Variants in LRRC4C observed in about 807,000 individuals in gnomAD.
LRRC4C encodes leucine rich repeat containing 4C.
Under a neutral mutation model 33.6 loss-of-function variants are expected in LRRC4C, and 5 were observed. The observed-to-expected ratio is 0.15, with a 90% CI of 0.08 to 0.31. The LOEUF (loss-of-function observed/expected upper bound fraction) is 0.31. LRRC4C is among the 10% of genes least tolerant of loss of function. LRRC4C has a pLI of 1.00. For missense variants in LRRC4C, 560 were observed against 796.7 expected, an observed-to-expected ratio of 0.70 and a Z score of 3.58; for synonymous variants, 329 against 302.0, an observed-to-expected ratio of 1.09 and a Z score of -0.93.
intron 3 of LRRC4C, among the ~76,000 whole-genome samples, chr11:40,640,708 C>T (rs1942054266): frequency 6.6e-6 from 1 of 151,996 alleles, no homozygotes. Flanking sequence ...TTCAAAAATA[C>T]ATTGTAAGAA....
intron 3 of LRRC4C, among the ~76,000 whole-genome samples, chr11:40,505,456 G>A (rs1954986812): frequency 6.6e-6 from 1 of 152,140 alleles, no homozygotes; most frequent in African/African-American, 2.4e-5. Context: ...AGGATTGAAG[G>A]AAACCTCTTG....
chr11:41,207,738 G>A (rs1946658466), intron 1 of LRRC4C, among the ~76,000 whole-genome samples: 1 of 152,182 alleles, frequency 6.6e-6, no homozygotes, highest in Non-Finnish European at 1.5e-5. Context: ...CTCCTACCGT[G>A]ATCTTGGACT....
intron 1 of LRRC4C, among the ~76,000 whole-genome samples, chr11:41,341,011 G>A (rs1951617286): frequency 1.3e-5 from 2 of 152,128 alleles, no homozygotes; most frequent in Admixed American, 1.3e-4. Flanking sequence ...CTTGGGAGGA[G>A]TGCTTGCACG....
intron 1 of LRRC4C, among the ~76,000 whole-genome samples, chr11:41,266,765 C>T (rs1949164515): frequency 1.3e-5 from 2 of 152,234 alleles, no homozygotes; most frequent in East Asian, 1.9e-4. Context: ...CAAAATTAGT[C>T]TCCCTACCAG....
At chr11:40,837,415 G>A in intron 2 of LRRC4C, among the ~76,000 whole-genome samples, 1 of 151,878 alleles carries the variant, frequency 6.6e-6, no homozygotes, top group East Asian at 1.9e-4. Context: ...TTCTTCCATA[G>A]GTACAATAAT....
chr11:40,359,676 C>T (rs541246378), intron 3 of LRRC4C, among the ~76,000 whole-genome samples: 7 of 152,258 alleles, frequency 4.6e-5, no homozygotes, highest in African/African-American at 1.7e-4. Flanking sequence ...CTCCTGGATT[C>T]CCAGTTGCTA....
intron 1 of LRRC4C, among the ~76,000 whole-genome samples, chr11:41,263,731 A>G (rs1316138687): frequency 6.6e-6 from 1 of 152,160 alleles, no homozygotes; most frequent in Non-Finnish European, 1.5e-5. Context: ...TTATTTGTTC[A>G]CAGAGCACTT....
In LRRC4C at chr11:40,851,010, C is replaced by T. The variant is rs546407549; in HGVS notation, c.-407+82625G>A. On this transcript the variant is annotated intron_variant, in intron 2 of 6. Transcript: ENST00000528697. ...AAGCTGGAGCCCTGGGTGGACTTCA[C>T]ACTGCTGTGCTGGCAGTGAGAATTT... is the stretch of plus-strand genomic sequence containing the variant. Among the ~76,000 whole-genome samples the T allele has an allele frequency of 2.0e-5, 3 of 152,276 alleles. No individual in the cohort carries two copies. The South Asian group carries it at 6.2e-4, about 32-fold the overall frequency.
At chr11:40,485,359 C>T (rs187899412) in intron 3 of LRRC4C, among the ~76,000 whole-genome samples, 77 of 151,782 alleles carry the variant, frequency 5.1e-4, no homozygotes, top group Admixed American at 2.6e-3. Flanking sequence ...CTCTCACATG[C>T]GCGCTCTCTC....
chr11:41,323,074 G>A (rs1951005023), intron 1 of LRRC4C, among the ~76,000 whole-genome samples: 1 of 152,118 alleles, frequency 6.6e-6, no homozygotes, highest in East Asian at 1.9e-4. Context: ...TCTGACATCA[G>A]AATATGTCAG....
At chr11:41,365,280 G>A (rs1229976370) in intron 1 of LRRC4C, among the ~76,000 whole-genome samples, 1 of 151,908 alleles carries the variant, frequency 6.6e-6, no homozygotes, top group Non-Finnish European at 1.5e-5. Flanking sequence ...AATGCCTAAT[G>A]ATGTGTCACT....
intron 5 of LRRC4C, among the ~76,000 whole-genome samples, chr11:40,166,785 A>G (rs2135399658): frequency 6.6e-6 from 1 of 152,284 alleles, no homozygotes. Context: ...AATAAAATGA[A>G]AAAGACTAGA....
chr11:40,987,661 TATGAGATATAAATG>T (rs1565274570), intron 1 of LRRC4C, among the ~76,000 whole-genome samples: 2,788 of 37,004 alleles, frequency 0.075, 191 homozygotes, highest in Middle Eastern at 0.15. Context: ...ATCTCATATA[TATGAGATATAAATG>T]ATATATATAT....
intron 2 of LRRC4C, among the ~76,000 whole-genome samples, chr11:40,731,444 G>T (rs1055967947): frequency 1.3e-5 from 2 of 152,098 alleles, no homozygotes; most frequent in Non-Finnish European, 2.9e-5. Flanking sequence ...GTTCTCTGAG[G>T]TCTCCCCAGA....
intron 1 of LRRC4C, among the ~76,000 whole-genome samples, chr11:41,128,562 T>C (rs756178379): frequency 6.6e-6 from 1 of 152,090 alleles, no homozygotes; most frequent in Non-Finnish European, 1.5e-5. Flanking sequence ...GTGGGAATGC[T>C]GACCAATAAG....
chr11:41,280,922 G>A (rs1949642210), intron 1 of LRRC4C, among the ~76,000 whole-genome samples: 1 of 151,958 alleles, frequency 6.6e-6, no homozygotes, highest in Admixed American at 6.6e-5. Flanking sequence ...ATTAATTAGG[G>A]GTCTGAGGTA....
At chr11:41,179,390 C>A (rs1490734031) in intron 1 of LRRC4C, among the ~76,000 whole-genome samples, 1 of 152,166 alleles carries the variant, frequency 6.6e-6, no homozygotes, top group East Asian at 1.9e-4. Flanking sequence ...TGGATACTTT[C>A]TAATGGTCTT....
At chr11:40,770,901 C>A (rs953449752) in intron 2 of LRRC4C, among the ~76,000 whole-genome samples, 5 of 151,710 alleles carry the variant, frequency 3.3e-5, no homozygotes, top group African/African-American at 1.2e-4. Flanking sequence ...CAGGTTACAA[C>A]CCCCCCTCCC....
intron 3 of LRRC4C, among the ~76,000 whole-genome samples, chr11:40,524,985 T>A (rs780868396): frequency 7.9e-5 from 12 of 152,092 alleles, no homozygotes; most frequent in Non-Finnish European, 1.8e-4. Flanking sequence ...GGATATATAA[T>A]TTAGCTTAGA....
Sources: gnomAD v4.1 joint callset for allele counts (sites outside exome capture counted in the v4.1 genomes callset) on GRCh38, gnomAD v4.1.1 for gene constraint, MANE v1.5 for transcripts, NCBI Gene and HGNC (gene_info 2026-07-23, HGNC 2026-07-21) for gene names.